Variants in CDK5RAP2 observed in about 807,000 individuals in gnomAD.
CDK5RAP2 encodes the protein CDK5 regulatory subunit-associated protein 2.
Under a neutral mutation model 232.9 loss-of-function variants are expected in CDK5RAP2, and 147 were observed. The observed-to-expected ratio is 0.63, with a 90% CI of 0.55 to 0.72. The LOEUF (loss-of-function observed/expected upper bound fraction) is 0.72. Among genes scored for constraint, CDK5RAP2 ranks in the 30% least tolerant of loss-of-function variants. The probability of loss-of-function intolerance (pLI) is 0.00; values close to 1 mark genes in which losing one functional copy is unlikely to be tolerated. For synonymous variants in CDK5RAP2, 833 were observed against 833.7 expected, an observed-to-expected ratio of 1.00 and a Z score of 0.01; for missense variants, 2,195 against 2,231.5, an observed-to-expected ratio of 0.98 and a Z score of 0.33.
At chr9:120,460,940 T>C (rs2037054664) in intron 18 of CDK5RAP2, among the ~76,000 whole-genome samples, 1 of 152,246 alleles carries the variant, frequency 6.6e-6, no homozygotes, top group Non-Finnish European at 1.5e-5. Context: ...TGCCCTTGCA[T>C]GGCCTTTCCT....
At chr9:120,568,161 G>T (rs2042714159) in intron 3 of CDK5RAP2, among the ~76,000 whole-genome samples, 160 bp downstream of exon 3, 1 of 152,190 alleles carries the variant, frequency 6.6e-6, no homozygotes, top group Non-Finnish European at 1.5e-5. Context: ...GACTGCATTT[G>T]TACGTAAAAG....
intron 18 of CDK5RAP2, 136 bp downstream of exon 18, chr9:120,467,724 C>G: frequency 1.2e-6 from 1 of 853,308 alleles, no homozygotes; most frequent in Non-Finnish European, 1.9e-6. Context: ...CAGCTCACTG[C>G]AGCCTCAACG....
chr9:120,447,080 G>A (rs186712584), intron 22 of CDK5RAP2, among the ~76,000 whole-genome samples: 108 of 152,314 alleles, frequency 7.1e-4, no homozygotes, highest in Non-Finnish European at 1.3e-3. Context: ...TTGGCACACA[G>A]AAGAAATGAA....
chr9:120,577,422 G>A (rs1395178565), intron 1 of CDK5RAP2, among the ~76,000 whole-genome samples: 1 of 151,890 alleles, frequency 6.6e-6, no homozygotes, highest in Admixed American at 6.6e-5. Flanking sequence ...GAGGCTGGGA[G>A]AAGGGGGGAA....
At chr9:120,487,523 T>C in intron 13 of CDK5RAP2, 86 bp from the exon 14 acceptor site, 1 of 1,078,590 alleles carries the variant, frequency 9.3e-7, no homozygotes, top group Non-Finnish European at 1.3e-6. Flanking sequence ...AGGAAAAATA[T>C]TTTATTTTTT....
chr9:120,456,385 G>A (rs1239151037), intron 20 of CDK5RAP2, among the ~76,000 whole-genome samples: 3 of 152,140 alleles, frequency 2.0e-5, no homozygotes, highest in Non-Finnish European at 4.4e-5. Flanking sequence ...CCCTCCCTCC[G>A]ATCTTTGCTG....
At chr9:120,398,509 T>C (rs1252439067) in intron 35 of CDK5RAP2, among the ~76,000 whole-genome samples, 2 of 152,236 alleles carry the variant, frequency 1.3e-5, no homozygotes, top group African/African-American at 2.4e-5. Flanking sequence ...TATGCCTACA[T>C]TGCCATATAC....
chr9:120,443,680 T>C lies in CDK5RAP2; in HGVS notation c.3088A>G (p.Thr1030Ala). The change falls in exon 23 of 38, where the codon ACA becomes GCA. Residue 1030 changes from threonine (T) to alanine (A), a missense_variant. Transcript: ENST00000349780. ...SPGEQKGIKT[T>A]SSVWRDKEMD... Reference sequence around the variant, plus strand: ...TCCTTGTCTCTCCAGACAGAAGATGTGGTTTTAATTCCTTTCTGCTCTCCT... The same window carrying C: ...TCCTTGTCTCTCCAGACAGAAGATGCGGTTTTAATTCCTTTCTGCTCTCCT... 1 of 1,614,192 alleles carries C rather than the reference T, an allele frequency of 6.2e-7. No individual in the cohort carries two copies. The highest frequency in any genetic ancestry group is 8.5e-7 in the Non-Finnish European group (1 of 1,180,008).
intron 25 of CDK5RAP2, among the ~76,000 whole-genome samples, chr9:120,436,418 G>A (rs1274925305): frequency 6.6e-6 from 1 of 152,068 alleles, no homozygotes; most frequent in African/African-American, 2.4e-5. Context: ...ACTGGATCCC[G>A]GACCAGGATC....
intron 11 of CDK5RAP2, among the ~76,000 whole-genome samples, chr9:120,523,505 T>C (rs2131872912): frequency 6.6e-6 from 1 of 152,364 alleles, no homozygotes; most frequent in East Asian, 1.9e-4. Flanking sequence ...AAGGCAAGTC[T>C]GAGATTCCAA....
rs750781221 is a variant in CDK5RAP2 at position 120,527,918 on chromosome 9, T to A, written c.887A>T (p.Glu296Val). The A allele has an allele frequency of 7.4e-5, 120 of 1,613,834 alleles. No individual in the cohort carries two copies. Among genetic ancestry groups the A allele is most frequent in the Non-Finnish European group, 1.0e-4 (118 of 1,179,982 alleles). Residue 296 changes from glutamate (E) to valine (V), a missense_variant, in exon 10 of 38, where the codon GAA becomes GTA. Transcript: ENST00000349780. ...TCTTTCCTTCTCTCTCAGGTCCTCTTCAAGTGCCTAAATTAGATTAGAAAA... is the reference window on the plus strand; with the variant it reads ...TCTTTCCTTCTCTCTCAGGTCCTCTACAAGTGCCTAAATTAGATTAGAAAA... ...NSFEERIQAL[E>V]EDLREKEREI...
rs886063392 is a variant in CDK5RAP2, at chr9:120,403,064, C to T, written c.5049G>A (p.Glu1683=). 1.2e-6 allele frequency: 2 copies of T among 1,614,162 alleles called. No individual in the cohort carries two copies. Among genetic ancestry groups the T allele is most frequent in the Non-Finnish European group, 1.7e-6 (2 of 1,180,020 alleles). Residue 1683 remains glutamate (E), a synonymous_variant, in exon 34 of 38, where the codon GAG becomes GAA. Transcript: ENST00000349780. This position sits in a 1 kb window ranked among gnomAD's most constrained non-coding sequence, Gnocchi z 4.2. ...TGTCATTCCCAGAGAGTGGAGGAGT[C>T]TCTGAAACTGTAAAATGAGAAGTAG... ...SQAVTPKSVS[E]TPPLSGNDTD...
chr9:120,529,908 C>T (rs898187269), intron 8 of CDK5RAP2, 70 bp downstream of exon 8: 17 of 1,432,276 alleles, frequency 1.2e-5, no homozygotes, highest in South Asian at 3.4e-5. Context: ...GGACCGAATG[C>T]GCATTCCATC....
intron 14 of CDK5RAP2, among the ~76,000 whole-genome samples, chr9:120,481,162 A>G (rs1362192008): frequency 6.6e-6 from 1 of 152,170 alleles, no homozygotes; most frequent in Admixed American, 6.5e-5. Context: ...CCCATTTTAG[A>G]GATGAGGAAA....
intron 35 of CDK5RAP2, among the ~76,000 whole-genome samples, chr9:120,395,592 G>GCT (rs1200603949): frequency 1.3e-5 from 2 of 152,230 alleles, no homozygotes; most frequent in Non-Finnish European, 2.9e-5. Flanking sequence ...GGCACAGGCC[G>GCT]CTCTCTGCTG....
At chr9:120,497,996 T>A (rs558951051) in intron 12 of CDK5RAP2, among the ~76,000 whole-genome samples, 1 of 152,300 alleles carries the variant, frequency 6.6e-6, no homozygotes, top group South Asian at 2.1e-4. Context: ...TGTCTAGTCT[T>A]GCTGGCTCCT....
chr9:120,536,284 A>T (rs2041381039), intron 7 of CDK5RAP2, 88 bp downstream of exon 7: 1 of 1,410,284 alleles, frequency 7.1e-7, no homozygotes, highest in African/African-American at 1.4e-5. Context: ...GGGAGAAGGG[A>T]GGGATAAAAG....
intron 13 of CDK5RAP2, among the ~76,000 whole-genome samples, chr9:120,488,260 A>C (rs1170543958): frequency 6.6e-6 from 1 of 152,218 alleles, no homozygotes; most frequent in Non-Finnish European, 1.5e-5. Context: ...GTGAACACAA[A>C]CAAAAAAATT....
Position 120,577,763 on chromosome 9 carries a change from T to G in CDK5RAP2, c.59+2157A>C, listed in dbSNP as rs111728887. Among the ~76,000 whole-genome samples the G allele has an allele frequency of 1.3e-3, 199 of 152,286 alleles. 1 individual carries two copies. Among genetic ancestry groups the G allele is most frequent in the African/African-American group, 4.3e-3 (179 of 41,556 alleles). ...GATAAACACTGAGGCTCACAGATGA[T>G]GAGTGACTTGCCCCAGATCAAGGGG... On this transcript the variant is annotated intron_variant, in intron 1 of 37. Transcript: ENST00000349780.
Sources: gnomAD v4.1 joint callset for allele counts (sites outside exome capture counted in the v4.1 genomes callset) on GRCh38, gnomAD v4.1.1 for gene constraint, Gnocchi (gnomAD v3.1) non-coding constraint, MANE v1.5 for transcripts, NCBI Gene and HGNC (gene_info 2026-07-23, HGNC 2026-07-21) for gene names.